The following KCNIP4 variants were observed in gnomAD, a reference collection of about 807,000 sequenced individuals.
The protein encoded by KCNIP4 is Kv channel-interacting protein 4.
A neutral mutation model predicts 34.0 loss-of-function variants in KCNIP4; 12 were observed. The ratio of observed to expected loss-of-function variants is 0.35; its 90% confidence interval spans 0.23 to 0.57. The LOEUF (loss-of-function observed/expected upper bound fraction) is 0.57. Ranked by LOEUF, KCNIP4 falls within the 20% of genes least tolerant of loss-of-function variation. KCNIP4 has a pLI of 0.83. For missense variants in KCNIP4, 238 were observed against 311.7 expected (o/e 0.76, Z 1.78); for synonymous variants, 124 against 102.2 (o/e 1.21, Z -1.29).
chr4:21,048,928 A>G (rs1742667858), intron 1 of KCNIP4, among the ~76,000 whole-genome samples: 1 of 148,356 alleles, frequency 6.7e-6, no homozygotes, highest in Non-Finnish European at 1.5e-5. Context: ...CAGCTCTTTC[A>G]GTACCTTCTG....
chr4:21,174,590 T>A (rs1232061076), intron 1 of KCNIP4, among the ~76,000 whole-genome samples: 1 of 152,158 alleles, frequency 6.6e-6, no homozygotes, highest in Non-Finnish European at 1.5e-5. Context: ...GACATTTGTA[T>A]AATATTACTT....
At chr4:20,861,386 A>G (rs1722180367) in intron 2 of KCNIP4, among the ~76,000 whole-genome samples, 1 of 152,164 alleles carries the variant, frequency 6.6e-6, no homozygotes, top group South Asian at 2.1e-4. Context: ...ATTAATTCCA[A>G]GCTGATCACA....
intron 1 of KCNIP4, among the ~76,000 whole-genome samples, chr4:21,051,279 T>C (rs1274526770): frequency 6.6e-6 from 1 of 152,236 alleles, no homozygotes; most frequent in African/African-American, 2.4e-5. Context: ...ACATTTAAGT[T>C]TTGATAGATA....
intron 1 of KCNIP4, among the ~76,000 whole-genome samples, chr4:21,597,973 T>A (rs915941087): frequency 6.6e-6 from 1 of 152,040 alleles, no homozygotes; most frequent in African/African-American, 2.4e-5. Flanking sequence ...TTTAAGAGAG[T>A]AATAAATAAT....
chr4:21,402,436 A>G (rs922741836), intron 1 of KCNIP4, among the ~76,000 whole-genome samples: 1 of 152,172 alleles, frequency 6.6e-6, no homozygotes, highest in Non-Finnish European at 1.5e-5. Flanking sequence ...CTCATCCTGG[A>G]CTTCTGTTCA....
At chr4:20,839,497 T>G (rs62293726) in intron 3 of KCNIP4, among the ~76,000 whole-genome samples, 14 of 116,346 alleles carry the variant, frequency 1.2e-4, no homozygotes, top group Admixed American at 1.7e-4. Context: ...ATCTATATTA[T>G]ATATATATAT....
chr4:21,370,673 GCT>G (rs1466752653), intron 1 of KCNIP4, among the ~76,000 whole-genome samples: 1 of 140,462 alleles, frequency 7.1e-6, no homozygotes, highest in Non-Finnish European at 1.5e-5. Flanking sequence ...GCTCTGAAGC[GCT>G]GAGAGTGAGC....
chr4:20,774,133 C>T (rs565846487), intron 3 of KCNIP4, among the ~76,000 whole-genome samples: 1 of 152,160 alleles, frequency 6.6e-6, no homozygotes, highest in South Asian at 2.1e-4. Context: ...TGTCTAGCGT[C>T]GTGCCTGGAT....
chr4:21,730,641 G>C (rs967680129), intron 1 of KCNIP4, among the ~76,000 whole-genome samples: 1 of 152,162 alleles, frequency 6.6e-6, no homozygotes, highest in Non-Finnish European at 1.5e-5. Flanking sequence ...ATTGTAATGG[G>C]TAAAGGGGAT....
At chr4:21,191,683 T>C (rs1384886954) in intron 1 of KCNIP4, among the ~76,000 whole-genome samples, 1 of 152,182 alleles carries the variant, frequency 6.6e-6, no homozygotes, top group Non-Finnish European at 1.5e-5. Flanking sequence ...ATAAGACAAA[T>C]TTTATCTGGG....
intron 3 of KCNIP4, among the ~76,000 whole-genome samples, chr4:20,846,844 A>G (rs1560510391): frequency 6.6e-6 from 1 of 152,162 alleles, no homozygotes; most frequent in Non-Finnish European, 1.5e-5. Flanking sequence ...ACACAATATA[A>G]TTACTTGAAG....
At chr4:21,071,923 G>A (rs1053296900) in intron 1 of KCNIP4, among the ~76,000 whole-genome samples, 2 of 152,110 alleles carry the variant, frequency 1.3e-5, no homozygotes, top group Non-Finnish European at 2.9e-5. Context: ...ATAGTTTGCT[G>A]AGAATGATGG....
intron 3 of KCNIP4, among the ~76,000 whole-genome samples, chr4:20,775,140 G>T (rs1475733136): frequency 6.6e-6 from 1 of 152,202 alleles, no homozygotes; most frequent in Admixed American, 6.5e-5. Flanking sequence ...AGCAGACATG[G>T]TCTTGCCTTT....
intron 1 of KCNIP4, chr4:21,303,832 A>C (rs1314528747): frequency 6.2e-7 from 1 of 1,613,958 alleles, no homozygotes; most frequent in South Asian, 1.1e-5. Flanking sequence ...CAATCAGCCC[A>C]AACTGTTCCA....
rs1174247166 is a variant in KCNIP4, at chr4:21,460,109, C to A, written c.61+488462G>T. On this transcript the variant is annotated intron_variant, in intron 1 of 8. Transcript: ENST00000382152. ...CTTGCAAAATCTGCCCCCCGCCCCC[C>A]ATCTCTTGTGTTTTATTTTCTTTCC... Among the ~76,000 whole-genome samples, 6 of 140,278 alleles carry A rather than the reference C, an allele frequency of 4.3e-5. No homozygotes were observed. In the East Asian group the frequency reaches 6.3e-4, roughly 15 times the overall value. The allele number at this position is 140,278 out of a possible 152,430, so 92.0% of individuals were successfully genotyped here.
intron 1 of KCNIP4, 114 bp downstream of exon 1, chr4:21,948,457 A>T: frequency 8.5e-7 from 1 of 1,170,730 alleles, no homozygotes; most frequent in South Asian, 1.6e-5. Context: ...ACTGTGTCTC[A>T]TGCAGCGAAG....
chr4:21,379,200 A>G (rs1195853540), intron 1 of KCNIP4, among the ~76,000 whole-genome samples: 2 of 152,178 alleles, frequency 1.3e-5, no homozygotes, highest in Admixed American at 1.3e-4. Context: ...AACCTGCTGA[A>G]TAGTATCTCC....
chr4:21,628,705 A>G (rs1217532343), intron 1 of KCNIP4, among the ~76,000 whole-genome samples: 1 of 152,120 alleles, frequency 6.6e-6, no homozygotes, highest in Non-Finnish European at 1.5e-5. Flanking sequence ...TGTACTTTTA[A>G]CGGCACTAGA....
At chr4:20,871,007 T>C (rs17557050) in intron 2 of KCNIP4, among the ~76,000 whole-genome samples, 3,161 of 152,280 alleles carry the variant, frequency 0.021, 48 homozygotes, top group Non-Finnish European at 0.035. Flanking sequence ...CAATGATCTC[T>C]TTGAATATCT....
Sources: allele counts gnomAD v4.1 joint callset (sites outside exome capture counted in the v4.1 genomes callset), GRCh38; gene constraint gnomAD v4.1.1; transcripts MANE v1.5; gene names NCBI Gene and HGNC (gene_info 2026-07-23, HGNC 2026-07-21).